Variants in PLEKHA8 observed in about 807,000 individuals in gnomAD.
PLEKHA8 encodes the protein pleckstrin homology domain containing A8.
In PLEKHA8, 36 loss-of-function variants were observed where a neutral mutation model predicts 68.2. That is an observed-to-expected ratio of 0.53 (90% CI 0.40 to 0.70). PLEKHA8 has a LOEUF of 0.70. PLEKHA8 is among the 30% of genes least tolerant of loss of function. The pLI, the probability that PLEKHA8 is intolerant of heterozygous loss-of-function variation, is 0.00. For missense variants in PLEKHA8, 505 were observed against 615.4 expected (o/e 0.82, Z 1.90); for synonymous variants, 211 against 216.1 (o/e 0.98, Z 0.20).
In PLEKHA8 at chr7:30,062,734, C is replaced by T; in HGVS notation, c.1292C>T (p.Thr431Ile). Residue 431 changes from threonine (T) to isoleucine (I), a missense_variant, in exon 12 of 14, where the codon ACA becomes ATA. By Grantham distance (89) the Thr-to-Ile change is moderately conservative (BLOSUM62 -1). Transcript: ENST00000449726. ...EVKNGEKDIQ[T>I]ALNNAYGKTL... ...AAAAATGGGGAGAAGGATATCCAGACAGCCCTAAGTAAGTGTTCTTTATGT... is the reference window on the plus strand; with the variant it reads ...AAAAATGGGGAGAAGGATATCCAGATAGCCCTAAGTAAGTGTTCTTTATGT... 1 of 1,612,672 alleles carries T rather than the reference C, an allele frequency of 6.2e-7. No homozygotes were observed. Among genetic ancestry groups the T allele is most frequent in the East Asian group, 2.2e-5 (1 of 44,842 alleles).
In PLEKHA8 at chr7:30,098,213, A is replaced by G. The variant is rs1170374740; in HGVS notation, c.1362+24081A>G. ...TTTTGTCTCAGAGGAGTACCCGGCC[A>G]TGTGAGGTGTCAGTCTGCCCCTACT... is the stretch of plus-strand genomic sequence containing the variant. On this transcript the variant is annotated intron_variant, in intron 13 of 13. Transcript: ENST00000396257. Among the ~76,000 whole-genome samples, 10 of 152,320 alleles carry G rather than the reference A, an allele frequency of 6.6e-5. No homozygotes were observed. In the East Asian group the frequency reaches 1.7e-3, roughly 26 times the overall value.
Position 30,083,362 on chromosome 7 carries a change from A to G in PLEKHA8, c.*4575A>G, listed in dbSNP as rs2128001282. On this transcript the variant is annotated 3_prime_UTR_variant, in exon 14 of 14. Coordinates refer to ENST00000449726, the MANE Select transcript of PLEKHA8 (RefSeq NM_001197026.2). ...TCACTAGCTGTCTAATGGTATTTTA[A>G]GACTGTTTATCTGTATCACAACGTC... is the stretch of plus-strand genomic sequence containing the variant. 1 of 984,644 alleles carries G rather than the reference A, an allele frequency of 1.0e-6. No homozygotes were observed. The highest frequency in any genetic ancestry group is 4.7e-5 in the South Asian group (1 of 21,270). The allele number at this position is 984,644 out of a possible 1,614,324, so 61.0% of individuals were successfully genotyped here. A position where few individuals can be genotyped will look rare whatever the true frequency, so the allele number is the denominator to read the frequency against.
At chr7:30,044,477 A>T (rs112910449) in intron 1 of PLEKHA8, among the ~76,000 whole-genome samples, 6 of 152,374 alleles carry the variant, frequency 3.9e-5, no homozygotes, top group African/African-American at 1.4e-4. Flanking sequence ...GAATGTAGTT[A>T]AGCCTTGAAT....
downstream of PLEKHA8, among the ~76,000 whole-genome samples, chr7:30,085,906 G>A (rs1459496749): frequency 6.6e-6 from 1 of 152,202 alleles, no homozygotes; most frequent in Non-Finnish European, 1.5e-5. Flanking sequence ...GAATCATGTA[G>A]TAGCCAGGGA....
intron 1 of PLEKHA8, among the ~76,000 whole-genome samples, chr7:30,029,934 A>T (rs1790531108): frequency 6.6e-6 from 1 of 152,240 alleles, no homozygotes; most frequent in Non-Finnish European, 1.5e-5. Flanking sequence ...TGTAATTAGC[A>T]GTGAGTTCAC....
intron 13 of PLEKHA8, chr7:30,117,958 C>G (rs1796620737): frequency 6.6e-7 from 1 of 1,522,548 alleles, no homozygotes; most frequent in African/African-American, 1.4e-5. Flanking sequence ...GACGTGGATT[C>G]ATTTCTAACA....
chr7:30,109,045 G>A (rs976285350), intron 13 of PLEKHA8, among the ~76,000 whole-genome samples: 12 of 152,218 alleles, frequency 7.9e-5, no homozygotes, highest in East Asian at 1.9e-4. Flanking sequence ...ATGATCCTCC[G>A]TTCAACAATG....
chr7:30,087,274 G>C (rs1583454861), downstream of PLEKHA8, among the ~76,000 whole-genome samples: 2 of 152,240 alleles, frequency 1.3e-5, no homozygotes, highest in South Asian at 2.1e-4. Flanking sequence ...TGTGGTTACT[G>C]GGGGAAATGT....
intron 13 of PLEKHA8, among the ~76,000 whole-genome samples, chr7:30,105,285 A>G (rs1290785275): frequency 6.7e-6 from 1 of 149,952 alleles, no homozygotes; most frequent in Non-Finnish European, 1.5e-5. Context: ...AGCCTGGGCA[A>G]CATGGTGAAA....
At position 30,123,407 on chromosome 7, in the gene PLEKHA8, A is replaced by T. The variant is rs555484136; in HGVS notation, c.1363-5859A>T. ...TTCAGCATCACACTTGGTGCAGAGAACAGCTGCTCCCTCTTCTGAATGATG... is the reference window on the plus strand; with the variant it reads ...TTCAGCATCACACTTGGTGCAGAGATCAGCTGCTCCCTCTTCTGAATGATG... On this transcript the variant is annotated intron_variant, in intron 13 of 13. Coordinates refer to the PLEKHA8 transcript ENST00000396257. Among the ~76,000 whole-genome samples, 12 of 152,298 alleles carry T rather than the reference A, an allele frequency of 7.9e-5. No individual in the cohort carries two copies. In the South Asian group the frequency reaches 2.5e-3, roughly 32 times the overall value.
chr7:30,032,825 A>G (rs571524003), intron 1 of PLEKHA8, among the ~76,000 whole-genome samples: 77 of 152,326 alleles, frequency 5.1e-4, no homozygotes, highest in Middle Eastern at 6.8e-3. Context: ...TTTCCTGCCC[A>G]CTCAGCTGAT....
intron 13 of PLEKHA8, among the ~76,000 whole-genome samples, chr7:30,122,611 G>A (rs576169324): frequency 1.3e-5 from 2 of 152,272 alleles, no homozygotes; most frequent in Non-Finnish European, 2.9e-5. Context: ...AAGACATAAC[G>A]TTTGTGATGG....
intron 3 of PLEKHA8, among the ~76,000 whole-genome samples, chr7:30,047,464 T>C (rs990493677): frequency 1.3e-5 from 2 of 152,064 alleles, no homozygotes; most frequent in Non-Finnish European, 2.9e-5. Flanking sequence ...ATGACCCCAT[T>C]TTATAGATAG....
At chr7:30,106,955 CACA>C (rs964512035) in intron 13 of PLEKHA8, among the ~76,000 whole-genome samples, 1 of 152,204 alleles carries the variant, frequency 6.6e-6, no homozygotes, top group Non-Finnish European at 1.5e-5. Flanking sequence ...ACTAATCCCC[CACA>C]GATACCAGGG....
intron 13 of PLEKHA8, among the ~76,000 whole-genome samples, chr7:30,115,546 GCA>G (rs1796412808): frequency 2.2e-4 from 11 of 49,948 alleles, no homozygotes; most frequent in Non-Finnish European, 6.8e-4. Flanking sequence ...ATGTACACAT[GCA>G]CGTATACATG....
intron 13 of PLEKHA8, chr7:30,118,305 A>G: frequency 3.0e-6 from 1 of 329,974 alleles, no homozygotes; most frequent in Admixed American, 4.8e-5. Context: ...CAAAAGAGAA[A>G]TTAAATTATA....
chr7:30,029,878 A>G (rs768529239), intron 1 of PLEKHA8, among the ~76,000 whole-genome samples: 1 of 152,216 alleles, frequency 6.6e-6, no homozygotes, highest in African/African-American at 2.4e-5. Context: ...AGCACAGCCA[A>G]AGGTGCCCCT....
chr7:30,033,667 C>T (rs1790827810), intron 1 of PLEKHA8, among the ~76,000 whole-genome samples: 2 of 152,038 alleles, frequency 1.3e-5, no homozygotes, highest in South Asian at 4.1e-4. Context: ...TCTATAATAC[C>T]TAGGAGTGGA....
At chr7:30,086,111 A>T (rs552875352), downstream of PLEKHA8, among the ~76,000 whole-genome samples, 4 of 152,316 alleles carry the variant, frequency 2.6e-5, no homozygotes, top group African/African-American at 9.6e-5. Flanking sequence ...CTTATCTGTC[A>T]TTGTTCCACA....
Sources: gnomAD v4.1 joint callset for allele counts (sites outside exome capture counted in the v4.1 genomes callset) on GRCh38, gnomAD v4.1.1 for gene constraint, MANE v1.5 for transcripts, NCBI Gene and HGNC (gene_info 2026-07-23, HGNC 2026-07-21) for gene names.